The following SEPTIN7 variants were observed in gnomAD, a reference collection of about 807,000 sequenced individuals.
The protein encoded by SEPTIN7 is septin 7.
Under a neutral mutation model 63.3 loss-of-function variants are expected in SEPTIN7, and 10 were observed. The observed-to-expected ratio is 0.16, with a 90% confidence interval of 0.10 to 0.27. SEPTIN7 has a LOEUF of 0.27. Ranked by LOEUF, SEPTIN7 falls within the 10% of genes least tolerant of loss-of-function variation. The pLI is 1.00. For synonymous variants in SEPTIN7, 131 were observed against 165.3 expected (o/e 0.79, Z 1.59); for missense variants, 310 against 521.0 (o/e 0.59, Z 3.94).
chr7:35,886,128 A>T (rs1787229603), intron 10 of SEPTIN7, among the ~76,000 whole-genome samples: 1 of 152,190 alleles, frequency 6.6e-6, no homozygotes. Flanking sequence ...TTGTGTCGAG[A>T]TTTAATACTG....
At chr7:35,848,632 G>GT (rs1784812573) in intron 3 of SEPTIN7, among the ~76,000 whole-genome samples, 1 of 152,148 alleles carries the variant, frequency 6.6e-6, no homozygotes, top group Non-Finnish European at 1.5e-5. Context: ...AATTTCAACT[G>GT]TTTTCAGTTT....
At chr7:35,890,880 A>C (rs1360030430) in intron 11 of SEPTIN7, 87 bp downstream of exon 11, 11 of 1,180,300 alleles carry the variant, frequency 9.3e-6, no homozygotes, top group Non-Finnish European at 1.2e-5. Context: ...TCTTCTGGCT[A>C]CTCAGTAGAA....
chr7:35,903,921 GA>G (rs1213232318), intron 13 of SEPTIN7, among the ~76,000 whole-genome samples: 2 of 152,142 alleles, frequency 1.3e-5, no homozygotes, highest in Non-Finnish European at 2.9e-5. Context: ...GACAGTGGGG[GA>G]AAAAGAATAC....
Position 35,857,951 on chromosome 7 carries a change from C to CT in SEPTIN7, c.170-5592dup, listed in dbSNP as rs536911104. Among the ~76,000 whole-genome samples the CT allele has an allele frequency of 3.6e-3, 551 of 151,054 alleles. 7 individuals are homozygous for CT. Among genetic ancestry groups the CT allele is most frequent in the Middle Eastern group, 3.4e-3 (1 of 294 alleles). ...GGAAAACCATGAACCACTTTTATTT[C>CT]TTTTTTTTTGGGACAGAGTCTTGCT... On this transcript the variant is annotated intron_variant, in intron 3 of 13. Coordinates refer to ENST00000350320, the MANE Select transcript of SEPTIN7 (RefSeq NM_001788.6).
intron 1 of SEPTIN7, among the ~76,000 whole-genome samples, chr7:35,810,282 A>G (rs1450924724): frequency 6.6e-6 from 1 of 151,770 alleles, no homozygotes; most frequent in Non-Finnish European, 1.5e-5. Context: ...TCCTTCAAAT[A>G]TAGACTGAGG....
intron 1 of SEPTIN7, among the ~76,000 whole-genome samples, chr7:35,805,699 C>G (rs1316057376): frequency 3.9e-5 from 6 of 152,194 alleles, no homozygotes; most frequent in Admixed American, 6.5e-5. Context: ...GCTGCTCCTG[C>G]TTACGTTATT....
chr7:35,888,287 A>G (rs181558954), intron 10 of SEPTIN7, among the ~76,000 whole-genome samples: 3 of 152,326 alleles, frequency 2.0e-5, no homozygotes, highest in Admixed American at 6.5e-5. Context: ...GGAAATAAAG[A>G]CTTTCATAAC....
chr7:35,909,466 A>G (rs1481887016), downstream of SEPTIN7, among the ~76,000 whole-genome samples: 1 of 152,214 alleles, frequency 6.6e-6, no homozygotes, highest in Non-Finnish European at 1.5e-5. Context: ...ATGTCCTGAA[A>G]AGGAGATAGG....
At chr7:35,887,318 A>G (rs1431993477) in intron 10 of SEPTIN7, among the ~76,000 whole-genome samples, 1 of 152,194 alleles carries the variant, frequency 6.6e-6, no homozygotes, top group African/African-American at 2.4e-5. Flanking sequence ...CTACATACCT[A>G]AAACACTGTA....
intron 4 of SEPTIN7, among the ~76,000 whole-genome samples, chr7:35,868,406 C>G (rs543952638): frequency 6.6e-6 from 1 of 152,106 alleles, no homozygotes; most frequent in South Asian, 2.1e-4. Flanking sequence ...AGTTTTGGGG[C>G]TACAATGATG....
In SEPTIN7 at chr7:35,872,774, G is replaced by A. The variant is rs1348078386; in HGVS notation, c.377+8G>A. 1 of 1,592,460 alleles carries A rather than the reference G, an allele frequency of 6.3e-7. No homozygotes were observed. The highest frequency in any genetic ancestry group is 8.6e-7 in the Non-Finnish European group (1 of 1,160,504). ...AGTGGATAATAGTAATTGGTAAGAA[G>A]GGTTTGTCCTCACAACTTTGCAGTG... is the stretch of plus-strand genomic sequence containing the variant. On this transcript the variant is annotated splice_region_variant and intron_variant, in intron 5 of 13. Coordinates refer to ENST00000350320, the MANE Select transcript of SEPTIN7 (RefSeq NM_001788.6).
At chr7:35,836,696 C>A (rs1299482586) in intron 3 of SEPTIN7, among the ~76,000 whole-genome samples, 1 of 151,870 alleles carries the variant, frequency 6.6e-6, no homozygotes, top group Admixed American at 6.6e-5. Context: ...GATGACTATC[C>A]TAGTTGTCAT....
At chr7:35,807,519 C>T (rs1366252371) in intron 1 of SEPTIN7, among the ~76,000 whole-genome samples, 2 of 152,166 alleles carry the variant, frequency 1.3e-5, no homozygotes, top group Non-Finnish European at 1.5e-5. Context: ...CGCCCGCCAC[C>T]GCGCCCGGCT....
At chr7:35,822,331 G>A (rs1390401106) in intron 1 of SEPTIN7, among the ~76,000 whole-genome samples, 1 of 152,114 alleles carries the variant, frequency 6.6e-6, no homozygotes, top group Non-Finnish European at 1.5e-5. Context: ...CAAAGTGCTA[G>A]GATTACAGGA....
intron 1 of SEPTIN7, among the ~76,000 whole-genome samples, chr7:35,803,624 A>G (rs750112390): frequency 1.3e-5 from 2 of 152,244 alleles, no homozygotes; most frequent in East Asian, 1.9e-4. Flanking sequence ...TGTGTTTCAC[A>G]TTTTGAATTA....
chr7:35,838,667 A>G (rs1285009287), intron 3 of SEPTIN7: 2 of 152,004 alleles, frequency 1.3e-5, no homozygotes, highest in East Asian at 3.9e-4. Flanking sequence ...GGTGTGAGCC[A>G]TTATGCCCGA....
rs1339931834 is a variant in SEPTIN7 at position 35,907,020 on chromosome 7, AAT to A, written c.*2730_*2731del. ...ATAATTATATGTATTGAACAATGAA[AAT>A]ATGTGTCAACAAATGTACTGCTACA... On this transcript the variant is annotated 3_prime_UTR_variant, in exon 14 of 14. Transcript: ENST00000350320. 1.3e-5 allele frequency: 2 copies of A among 152,260 alleles called. No individual in the cohort carries two copies. Among genetic ancestry groups the A allele is most frequent in the African/African-American group, 4.8e-5 (2 of 41,470 alleles). 9.4% of individuals were successfully genotyped at this position (152,260 alleles called of 1,614,324 possible).
chr7:35,878,448 C>T (rs1222060869), intron 6 of SEPTIN7, among the ~76,000 whole-genome samples: 1 of 152,188 alleles, frequency 6.6e-6, no homozygotes, highest in Non-Finnish European at 1.5e-5. Flanking sequence ...GCTTGAGAAT[C>T]TATGTCTTCA....
At chr7:35,913,584 T>C in the SEPTIN7 span, among the ~76,000 whole-genome samples, 1 of 149,668 alleles carries the variant, frequency 6.7e-6, no homozygotes, top group African/African-American at 2.5e-5. Context: ...TCCTTCCTTC[T>C]TTCCTTCCTT....
Sources: allele counts gnomAD v4.1 joint callset (sites outside exome capture counted in the v4.1 genomes callset), GRCh38; gene constraint gnomAD v4.1.1; transcripts MANE v1.5; gene names NCBI Gene and HGNC (gene_info 2026-07-23, HGNC 2026-07-21).